FRMPD1: variants seen among roughly 807,000 people sequenced by gnomAD.
The protein encoded by FRMPD1 is FERM and PDZ domain-containing protein 1.
A neutral mutation model predicts 117.8 loss-of-function variants in FRMPD1; 76 were observed. That is an observed-to-expected ratio of 0.65 (90% CI 0.54 to 0.78). The LOEUF (loss-of-function observed/expected upper bound fraction) is 0.78. FRMPD1 is among the 30% of genes least tolerant of loss of function. The pLI, the probability that FRMPD1 is intolerant of heterozygous loss-of-function variation, is 0.00. For synonymous variants in FRMPD1, 783 were observed against 770.4 expected (o/e 1.02, Z -0.27); for missense variants, 1,786 against 1,964.5 (o/e 0.91, Z 1.72).
At chr9:37,649,408 A>G (rs950549105), upstream of FRMPD1, among the ~76,000 whole-genome samples, 1 of 152,170 alleles carries the variant, frequency 6.6e-6, no homozygotes, top group African/African-American at 2.4e-5. Flanking sequence ...AGAACTTTGT[A>G]TACTACAAAG....
chr9:37,604,040 A>T, the FRMPD1 span, among the ~76,000 whole-genome samples: 1 of 152,224 alleles, frequency 6.6e-6, no homozygotes, highest in Non-Finnish European at 1.5e-5. Flanking sequence ...GTTGGAGATG[A>T]TGCAAAGAGT....
intron 5 of FRMPD1, among the ~76,000 whole-genome samples, chr9:37,714,448 A>C (rs1267957070): frequency 6.6e-6 from 1 of 152,184 alleles, no homozygotes; most frequent in Non-Finnish European, 1.5e-5. Flanking sequence ...GGAAGAGAGG[A>C]ACGTGCTCTG....
chr9:37,697,390 C>T (rs947436283), intron 2 of FRMPD1, among the ~76,000 whole-genome samples: 8 of 151,630 alleles, frequency 5.3e-5, no homozygotes, highest in African/African-American at 1.9e-4. Context: ...GGTGAAATCC[C>T]GTCTCTGCTA....
intron 2 of FRMPD1, among the ~76,000 whole-genome samples, chr9:37,698,049 A>G (rs1012517588): frequency 6.6e-6 from 1 of 152,246 alleles, no homozygotes; most frequent in Non-Finnish European, 1.5e-5. Context: ...TGGGAGGCAG[A>G]GGTTGTGTGA....
the FRMPD1 span, among the ~76,000 whole-genome samples, chr9:37,626,843 ATTATCTTTGGGGTG>A: frequency 6.6e-6 from 1 of 151,904 alleles, no homozygotes; most frequent in Non-Finnish European, 1.5e-5. Context: ...CTACTGAATC[ATTATCTTTGGGGTG>A]TGGGGCCATG....
the FRMPD1 span, among the ~76,000 whole-genome samples, chr9:37,626,442 T>C: frequency 6.8e-6 from 1 of 146,330 alleles, no homozygotes; most frequent in Non-Finnish European, 1.5e-5. Flanking sequence ...GAAGCAGAGG[T>C]TGCAGTGAGC....
At chr9:37,744,343 CTTT>C in intron 15 of FRMPD1, 43 bp from the exon 16 acceptor site, 2 of 1,433,588 alleles carry the variant, frequency 1.4e-6, no homozygotes, top group Admixed American at 2.1e-5. Flanking sequence ...CTATTAACCT[CTTT>C]TTTTTGTGCT....
Position 37,692,689 on chromosome 9 carries a change from A to G in FRMPD1, c.48A>G (p.Arg16=). The G allele has an allele frequency of 6.2e-7, 1 of 1,614,076 alleles. No individual in the cohort carries two copies. The highest frequency in any genetic ancestry group is 1.1e-5 in the South Asian group (1 of 91,074). Residue 16 remains arginine, a synonymous_variant, in exon 2 of 16, where the codon AGA becomes AGG. Transcript: ENST00000377765. ...TSLFQTRKAH[R]IEQMVARWLR... ...TATTCCAGACACGGAAAGCACATAG[A>G]ATAGAACAAATGGTGGCAAGATGGC...
the FRMPD1 span, among the ~76,000 whole-genome samples, chr9:37,641,137 C>T: frequency 1.3e-5 from 2 of 152,296 alleles, no homozygotes; most frequent in South Asian, 2.1e-4. Flanking sequence ...ATCTGCCCAC[C>T]GCAGCCTCCC....
At chr9:37,622,168 T>C in the FRMPD1 span, among the ~76,000 whole-genome samples, 1 of 152,218 alleles carries the variant, frequency 6.6e-6, no homozygotes, top group Non-Finnish European at 1.5e-5. Context: ...TCCCCAGCTG[T>C]CTGGGAGCCA....
intron 4 of FRMPD1, among the ~76,000 whole-genome samples, chr9:37,711,042 T>C (rs1822890411): frequency 6.6e-6 from 1 of 152,004 alleles, no homozygotes; most frequent in Non-Finnish European, 1.5e-5. Context: ...AGGACTAAAT[T>C]AAGGCTAAGT....
Position 37,746,470 on chromosome 9 carries a change from G to A in FRMPD1, c.4438G>A (p.Asp1480Asn). The change falls in exon 16 of 16, where the codon GAC becomes AAC. Residue 1480 changes from aspartate to asparagine, a missense_variant. Asp to Asn is a conservative substitution (Grantham distance 23). Coordinates refer to ENST00000377765, the MANE Select transcript of FRMPD1 (RefSeq NM_014907.3). ...GAGCTGTCGGCATGTGATCAGAATG[G>A]ACCAGTCCCCCGAAGAGATGCAGGG... ...LSSCRHVIRM[D>N]QSPEEMQGAV... 6.2e-7 allele frequency: 1 copy of A among 1,613,710 alleles called. No homozygotes were observed. Among genetic ancestry groups the A allele is most frequent in the Non-Finnish European group, 8.5e-7 (1 of 1,180,034 alleles).
At position 37,740,059 on chromosome 9, in the gene FRMPD1, G is replaced by T. The variant is rs1293593243; in HGVS notation, c.1550-19G>T. The T allele has an allele frequency of 6.5e-7, 1 of 1,543,450 alleles. No homozygotes were observed. The highest frequency in any genetic ancestry group is 1.8e-5 in the Admixed American group (1 of 54,186). On this transcript the variant is annotated intron_variant, in intron 14 of 15. Coordinates refer to ENST00000377765, the MANE Select transcript of FRMPD1 (RefSeq NM_014907.3). This position sits in a 1 kb window ranked among gnomAD's most constrained non-coding sequence, Gnocchi z 4.2. ...AGGAGAATTCTGTTGTGTAACTGTTGCTGTACCCTGTGTTGCAGGCTATGA... is the reference window on the plus strand; with the variant it reads ...AGGAGAATTCTGTTGTGTAACTGTTTCTGTACCCTGTGTTGCAGGCTATGA...
chr9:37,633,567 G>GA, the FRMPD1 span, among the ~76,000 whole-genome samples: 1 of 152,126 alleles, frequency 6.6e-6, no homozygotes, highest in African/African-American at 2.4e-5. Context: ...CTCTGGGAAA[G>GA]AAAAAAAGCA....
At chr9:37,638,012 CTT>C in the FRMPD1 span, among the ~76,000 whole-genome samples, 111 of 125,142 alleles carry the variant, frequency 8.9e-4, 6 homozygotes, top group African/African-American at 2.9e-3. Context: ...TTCTTTCTTT[CTT>C]TCTTTCTTTC....
intron 12 of FRMPD1, 21 bp from the exon 13 acceptor site, chr9:37,735,531 T>G (rs753837622): frequency 1.1e-5 from 18 of 1,585,810 alleles, no homozygotes; most frequent in Non-Finnish European, 1.5e-5. Flanking sequence ...TGGAGACTAA[T>G]TCCCCTTCCA....
chr9:37,729,930 C>T lies in FRMPD1; in HGVS notation c.738+77C>T, dbSNP rs563602133. 30 of 1,465,924 alleles carry T rather than the reference C, an allele frequency of 2.0e-5. No individual in the cohort carries two copies. In the African/African-American group the frequency reaches 3.9e-4, roughly 19 times the overall value. 90.8% of individuals were successfully genotyped at this position (1,465,924 alleles called of 1,614,324 possible). A position where few individuals can be genotyped will look rare whatever the true frequency, so the allele number is the denominator to read the frequency against. ...ATACCTCAGCCAGAACCTCTGGGGA[C>T]AGGGCTCAGCACATCTGCAGGTTTG... On this transcript the variant is annotated intron_variant, in intron 8 of 15. Coordinates refer to ENST00000377765, the MANE Select transcript of FRMPD1 (RefSeq NM_014907.3).
At chr9:37,669,368 G>A (rs564097490) in intron 1 of FRMPD1, among the ~76,000 whole-genome samples, 1 of 152,172 alleles carries the variant, frequency 6.6e-6, no homozygotes, top group South Asian at 2.1e-4. Flanking sequence ...TGAGAAATAC[G>A]AACTCTCAGC....
chr9:37,724,150 G>A lies in FRMPD1; in HGVS notation c.517-75G>A, dbSNP rs111744337. On this transcript the variant is annotated intron_variant, in intron 6 of 15. Coordinates refer to ENST00000377765, the MANE Select transcript of FRMPD1 (RefSeq NM_014907.3). ...GATCGTACCACTGTTCTCCAGCCTG[G>A]GTGACAGAGAGAGACCCTGTCTCCA... 2,446 of 749,764 alleles carry A rather than the reference G, an allele frequency of 3.3e-3. 43 individuals carry two copies. The African/African-American group carries it at 0.036, about 11-fold the overall frequency. The allele number at this position is 749,764 out of a possible 1,614,324, so 46.4% of individuals were successfully genotyped here.
Sources: gnomAD v4.1 joint callset for allele counts (sites outside exome capture counted in the v4.1 genomes callset) on GRCh38, gnomAD v4.1.1 for gene constraint, Gnocchi (gnomAD v3.1) non-coding constraint, MANE v1.5 for transcripts, NCBI Gene and HGNC (gene_info 2026-07-23, HGNC 2026-07-21) for gene names.